The following NFATC3 variants were observed in gnomAD, a reference collection of about 807,000 sequenced individuals.
NFATC3 encodes nuclear factor of activated T cells 3, also known as nuclear factor of activated T-cells, cytoplasmic 3.
A neutral mutation model predicts 98.6 loss-of-function variants in NFATC3; 46 were observed. The ratio of observed to expected loss-of-function variants is 0.47; its 90% CI spans 0.37 to 0.60. NFATC3 has a LOEUF of 0.60. NFATC3 is among the 20% of genes least tolerant of loss of function. The pLI is 0.00. For synonymous variants in NFATC3, 512 were observed against 472.2 expected (o/e 1.08, Z -1.09); for missense variants, 1,256 against 1,295.5 (o/e 0.97, Z 0.47).
intron 3 of NFATC3, among the ~76,000 whole-genome samples, chr16:68,151,316 C>A (rs1460242139): frequency 6.6e-6 from 1 of 152,138 alleles, no homozygotes; most frequent in Non-Finnish European, 1.5e-5. Flanking sequence ...ACACTTAACA[C>A]CTGCACTATC....
chr16:68,152,218 A>C (rs1242337391), intron 3 of NFATC3, among the ~76,000 whole-genome samples: 2 of 151,064 alleles, frequency 1.3e-5, no homozygotes, highest in Non-Finnish European at 3.0e-5. Context: ...CCAAAAAAAA[A>C]AAAAAAAAAA....
intron 1 of NFATC3, among the ~76,000 whole-genome samples, chr16:68,107,080 T>C (rs1056891475): frequency 6.6e-6 from 1 of 152,122 alleles, no homozygotes; most frequent in African/African-American, 2.4e-5. Context: ...CATGATCTCA[T>C]TCTTTTTATG....
chr16:68,091,334 C>T lies in NFATC3; in HGVS notation c.103+5550C>T, dbSNP rs74819182. 6.2e-3 allele frequency among the ~76,000 whole-genome samples: 940 copies of T among 152,146 alleles called. 9 individuals carry two copies. The highest frequency in any genetic ancestry group is 0.021 in the African/African-American group (883 of 41,498). On this transcript the variant is annotated intron_variant, in intron 1 of 9. Transcript: ENST00000346183. ...AGAATCAACTTATAATAATGACTTGCCTTTCTTTGGCAACCAGTAAACTTT... is the reference window on the plus strand; with the variant it reads ...AGAATCAACTTATAATAATGACTTGTCTTTCTTTGGCAACCAGTAAACTTT...
Position 68,122,240 on chromosome 16 carries a change from C to T in NFATC3, c.357C>T (p.Asn119=). The T allele has an allele frequency of 1.2e-6, 2 of 1,614,160 alleles. No homozygotes were observed. The highest frequency in any genetic ancestry group is 1.1e-5 in the South Asian group (1 of 91,086). Residue 119 remains asparagine (N), a synonymous_variant, in exon 2 of 10, where the codon AAC becomes AAT. Coordinates refer to ENST00000346183, the MANE Select transcript of NFATC3 (RefSeq NM_173165.3). ...PSIQITSISP[N]CHQELDAHED... is the part of the protein sequence containing the mutation. ...TTCAAATTACATCTATCTCTCCTAA[C>T]TGTCATCAAGAATTAGATGCACATG...
chr16:68,156,318 AAACAAC>A (rs540086473), intron 3 of NFATC3, among the ~76,000 whole-genome samples: 2 of 118,468 alleles, frequency 1.7e-5, no homozygotes, highest in Non-Finnish European at 3.9e-5. Context: ...TTCGTCTCAA[AAACAAC>A]AACAACAACA....
At chr16:68,104,096 G>C (rs2035514715) in intron 1 of NFATC3, among the ~76,000 whole-genome samples, 1 of 152,158 alleles carries the variant, frequency 6.6e-6, no homozygotes, top group African/African-American at 2.4e-5. Flanking sequence ...TGAAATTTTG[G>C]TAGGGATTGC....
chr16:68,211,207 G>T (rs1284770945), intron 9 of NFATC3, among the ~76,000 whole-genome samples: 1 of 151,782 alleles, frequency 6.6e-6, no homozygotes, highest in Non-Finnish European at 1.5e-5. Context: ...GTTTTGTTTT[G>T]AGATGGAGTC....
At chr16:68,101,477 G>T (rs1048564961) in intron 1 of NFATC3, among the ~76,000 whole-genome samples, 2 of 150,192 alleles carry the variant, frequency 1.3e-5, no homozygotes, top group Non-Finnish European at 3.0e-5. Context: ...TATAGTTTTA[G>T]GTTTTTTTTT....
intron 1 of NFATC3, among the ~76,000 whole-genome samples, chr16:68,106,742 G>GTT (rs112208511): frequency 3.4e-4 from 51 of 147,840 alleles, no homozygotes; most frequent in African/African-American, 1.2e-3. Context: ...TTTTTTTGTT[G>GTT]TTTTTTTTTT....
intron 9 of NFATC3, among the ~76,000 whole-genome samples, chr16:68,193,332 G>A (rs903556750): frequency 6.6e-6 from 1 of 152,010 alleles, no homozygotes; most frequent in African/African-American, 2.4e-5. Context: ...TTTTAGGACC[G>A]CCTGTGTACA....
chr16:68,224,031 G>A (rs576717298), intron 9 of NFATC3, among the ~76,000 whole-genome samples: 1 of 150,764 alleles, frequency 6.6e-6, no homozygotes, highest in Non-Finnish European at 1.5e-5. Context: ...TGGATCATGA[G>A]GACAGGAGAT....
At chr16:68,107,483 G>A (rs1164788798) in intron 1 of NFATC3, among the ~76,000 whole-genome samples, 1 of 152,184 alleles carries the variant, frequency 6.6e-6, no homozygotes, top group Non-Finnish European at 1.5e-5. Flanking sequence ...AGCACTTTGA[G>A]GGGCCGGGGC....
At chr16:68,099,581 A>G (rs942638923) in intron 1 of NFATC3, among the ~76,000 whole-genome samples, 11 of 151,690 alleles carry the variant, frequency 7.3e-5, no homozygotes, top group Admixed American at 7.2e-4. Flanking sequence ...AGCCCAGGTG[A>G]CAGAGTGAGA....
chr16:68,085,946 G>T, intron 1 of NFATC3, 162 bp downstream of exon 1: 1 of 515,598 alleles, frequency 1.9e-6, no homozygotes, highest in South Asian at 3.3e-5. Context: ...AAATCGCTGA[G>T]GAGGCGTGTG....
chr16:68,131,185 A>C (rs2037093936), intron 3 of NFATC3, among the ~76,000 whole-genome samples: 1 of 152,196 alleles, frequency 6.6e-6, no homozygotes, highest in South Asian at 2.1e-4. Context: ...TCTATGAAGA[A>C]TGTCCTTGGT....
intron 3 of NFATC3, among the ~76,000 whole-genome samples, chr16:68,129,490 T>C (rs1160890697): frequency 6.6e-6 from 1 of 152,144 alleles, no homozygotes; most frequent in Admixed American, 6.6e-5. Flanking sequence ...CAATCTGAGA[T>C]TCTTTCTTGC....
chr16:68,188,866 G>A (rs558999946), intron 8 of NFATC3, among the ~76,000 whole-genome samples: 21 of 152,126 alleles, frequency 1.4e-4, no homozygotes, highest in South Asian at 1.0e-3. Flanking sequence ...GCACCACCAC[G>A]CCTGGCTAAT....
intron 9 of NFATC3, among the ~76,000 whole-genome samples, chr16:68,195,596 C>T (rs1194110317): frequency 6.6e-6 from 1 of 152,066 alleles, no homozygotes; most frequent in Non-Finnish European, 1.5e-5. Flanking sequence ...ATCACGAGGT[C>T]AGGAGATAGA....
At chr16:68,164,175 G>A (rs956017551) in intron 4 of NFATC3, among the ~76,000 whole-genome samples, 3 of 152,328 alleles carry the variant, frequency 2.0e-5, no homozygotes, top group Admixed American at 6.5e-5. Flanking sequence ...CGAGGCTGGC[G>A]GATCACTCGT....
Sources: gnomAD v4.1 joint callset for allele counts (sites outside exome capture counted in the v4.1 genomes callset) on GRCh38, gnomAD v4.1.1 for gene constraint, MANE v1.5 for transcripts, NCBI Gene and HGNC (gene_info 2026-07-23, HGNC 2026-07-21) for gene names.